The following PCDHA3 variants were observed in gnomAD, a reference collection of about 807,000 sequenced individuals.
PCDHA3 encodes protocadherin alpha 3.
PCDHA3 carries 41 observed loss-of-function variants against 62.2 expected under a neutral mutation model. The observed-to-expected ratio is 0.66, with a 90% CI of 0.51 to 0.86. The LOEUF (loss-of-function observed/expected upper bound fraction) is 0.86. Ranked by LOEUF, PCDHA3 falls within the 40% of genes least tolerant of loss-of-function variation. The pLI is 0.00. For missense variants in PCDHA3, 1,304 were observed against 1,241.2 expected, an observed-to-expected ratio of 1.05 and a Z score of -0.76; for synonymous variants, 640 against 555.4, an observed-to-expected ratio of 1.15 and a Z score of -2.14.
At chr5:140,856,151 T>C (rs2043811735) in intron 1 of PCDHA3, 2 of 1,598,312 alleles carry the variant, frequency 1.3e-6, no homozygotes, top group Middle Eastern at 1.7e-4. Context: ...CTACTCAGTC[T>C]ACGAGGAGGC....
intron 3 of PCDHA3, among the ~76,000 whole-genome samples, chr5:141,008,432 C>T (rs2098376587): frequency 6.6e-6 from 1 of 152,082 alleles, no homozygotes. Context: ...ATCACTTTGC[C>T]CAGACAGACC....
intron 1 of PCDHA3, chr5:140,929,724 TA>T (rs2086341478): frequency 4.6e-6 from 1 of 218,158 alleles, no homozygotes; most frequent in Admixed American, 5.9e-5. Flanking sequence ...GTGAAACATT[TA>T]CTTAAACTAT....
Position 140,848,936 on chromosome 5 carries a change from G to A in PCDHA3, c.2394+45345G>A, listed in dbSNP as rs2150425486. ...ATCTGTTCATCGCGGAATCCAGGCC[G>A]CTTGACTCTCGGTTTCCACTAGAGG... is the stretch of plus-strand genomic sequence containing the variant. On this transcript the variant is annotated intron_variant, in intron 1 of 3. Coordinates refer to ENST00000522353, the MANE Select transcript of PCDHA3 (RefSeq NM_018906.3). 2.3e-5 allele frequency: 37 copies of A among 1,607,476 alleles called. No homozygotes were observed. The East Asian group carries it at 6.7e-4, about 29-fold the overall frequency.
intron 1 of PCDHA3, chr5:140,824,610 G>GTTGTTT (rs1768193318): frequency 1.1e-5 from 1 of 95,104 alleles, no homozygotes; most frequent in African/African-American, 4.9e-5. Context: ...GCTAATTAAA[G>GTTGTTT]TTTTTTTTTT....
chr5:140,878,784 C>T (rs2057723762), intron 1 of PCDHA3, among the ~76,000 whole-genome samples: 1 of 152,156 alleles, frequency 6.6e-6, no homozygotes, highest in Non-Finnish European at 1.5e-5. Flanking sequence ...AGTATATGTT[C>T]AATCACTTTT....
intron 1 of PCDHA3, among the ~76,000 whole-genome samples, chr5:140,898,214 T>C (rs1285649893): frequency 1.3e-5 from 2 of 152,238 alleles, no homozygotes; most frequent in African/African-American, 4.8e-5. Flanking sequence ...TTTGTCAATT[T>C]TGGCTTTTGT....
chr5:140,922,726 C>T lies in PCDHA3; in HGVS notation c.2395-56223C>T, dbSNP rs118091551. On this transcript the variant is annotated intron_variant, in intron 1 of 3. Coordinates refer to ENST00000522353, the MANE Select transcript of PCDHA3 (RefSeq NM_018906.3). ...GTCAAGAACAAAAAGAAACACTTGA[C>T]AAGGTTGAGAAAAATAAATGGAAAA... is the stretch of plus-strand genomic sequence containing the variant. 6.6e-5 allele frequency among the ~76,000 whole-genome samples: 10 copies of T among 152,012 alleles called. No homozygotes were observed. The East Asian group carries it at 1.9e-3, about 29-fold the overall frequency.
At chr5:140,952,698 C>G (rs1020795237) in intron 1 of PCDHA3, among the ~76,000 whole-genome samples, 4 of 152,182 alleles carry the variant, frequency 2.6e-5, no homozygotes, top group Non-Finnish European at 4.4e-5. Context: ...ATAGCAATAT[C>G]CCACTCTCAG....
At chr5:140,849,612 A>T in intron 1 of PCDHA3, 1 of 1,598,736 alleles carries the variant, frequency 6.3e-7, no homozygotes. Context: ...TGCCCTGATT[A>T]GTGTGATCGA....
chr5:140,972,398 A>G (rs2096535021), intron 1 of PCDHA3, among the ~76,000 whole-genome samples: 1 of 151,358 alleles, frequency 6.6e-6, no homozygotes, highest in Non-Finnish European at 1.5e-5. Flanking sequence ...TTGCTTCACT[A>G]TTGGCAAACC....
At chr5:140,843,524 G>A (rs2150361987) in intron 1 of PCDHA3, 4 of 1,595,982 alleles carry the variant, frequency 2.5e-6, no homozygotes, top group East Asian at 4.5e-5. Flanking sequence ...GTGCCGGGCG[G>A]GCAAGCCCAC....
rs782023174 is a variant in PCDHA3 at position 140,870,968 on chromosome 5, G to A, written c.2394+67377G>A. 39 of 1,613,492 alleles carry A rather than the reference G, an allele frequency of 2.4e-5. No homozygotes were observed. Among genetic ancestry groups the A allele is most frequent in the Admixed American group, 2.2e-4 (13 of 59,998 alleles). ...GCGGGCGGCTCGCGCATCCCGTTCC[G>A]CGTGGGGCTGTACACGGGCGAGATA... On this transcript the variant is annotated intron_variant, in intron 1 of 3. Transcript: ENST00000522353.
In PCDHA3 at chr5:140,960,243, G is replaced by A. The variant is rs531821446; in HGVS notation, c.2395-18706G>A. On this transcript the variant is annotated intron_variant, in intron 1 of 3. Coordinates refer to ENST00000522353, the MANE Select transcript of PCDHA3 (RefSeq NM_018906.3). The stretch of plus-strand genomic sequence containing the variant: ...AGAAACAGAGCCATGGTAAAAAGAA[G>A]CTTCCTGGAGCTTCTGATAAATTCC... 3.9e-5 allele frequency among the ~76,000 whole-genome samples: 6 copies of A among 152,270 alleles called. No individual in the cohort carries two copies. The East Asian group carries it at 1.2e-3, about 29-fold the overall frequency.
At chr5:140,829,695 T>C in intron 1 of PCDHA3, 1 of 1,613,284 alleles carries the variant, frequency 6.2e-7, no homozygotes, top group Non-Finnish European at 8.5e-7. Context: ...CAGTTTCAGG[T>C]GAGCGCGCGC....
intron 1 of PCDHA3, among the ~76,000 whole-genome samples, chr5:140,951,667 C>T (rs180768474): frequency 6.6e-6 from 1 of 152,156 alleles, no homozygotes; most frequent in African/African-American, 2.4e-5. Context: ...GGCCTGCCTA[C>T]AAAATTGGGG....
chr5:140,906,575 T>C (rs1443480852), intron 1 of PCDHA3, among the ~76,000 whole-genome samples: 1 of 152,242 alleles, frequency 6.6e-6, no homozygotes, highest in Non-Finnish European at 1.5e-5. Context: ...ATAGCTGGTA[T>C]TGATGACTAC....
rs1013599044 is a variant in PCDHA3, at chr5:140,900,058, C to T, written c.2395-78891C>T. ...TTCCTGGGCTCAAGTGATCCTTTAACCTCAGCCTCCAAAAGTGCTGCAGTT... is the reference window on the plus strand; with the variant it reads ...TTCCTGGGCTCAAGTGATCCTTTAATCTCAGCCTCCAAAAGTGCTGCAGTT... On this transcript the variant is annotated intron_variant, in intron 1 of 3. Coordinates refer to ENST00000522353, the MANE Select transcript of PCDHA3 (RefSeq NM_018906.3). Among the ~76,000 whole-genome samples the T allele has an allele frequency of 2.0e-5, 3 of 152,160 alleles. 1 individual carries two copies. Among genetic ancestry groups the T allele is most frequent in the Non-Finnish European group, 1.5e-5 (1 of 68,028 alleles).
intron 1 of PCDHA3, chr5:140,855,925 C>G (rs1161071214): frequency 2.4e-6 from 3 of 1,240,504 alleles, no homozygotes; most frequent in Non-Finnish European, 3.4e-6. Flanking sequence ...TAGGAAGTAG[C>G]GTCATTCTGA....
At chr5:140,884,656 G>GA (rs1317691755) in intron 1 of PCDHA3, 2 of 1,602,060 alleles carry the variant, frequency 1.2e-6, no homozygotes, top group Non-Finnish European at 1.7e-6. Flanking sequence ...CAGAATGCTT[G>GA]AAAGAGGTAA....
Sources: gnomAD v4.1 joint callset for allele counts (sites outside exome capture counted in the v4.1 genomes callset) on GRCh38, gnomAD v4.1.1 for gene constraint, MANE v1.5 for transcripts, NCBI Gene and HGNC (gene_info 2026-07-23, HGNC 2026-07-21) for gene names.